The following CD8B variants were observed in gnomAD, a reference collection of about 807,000 sequenced individuals.
The protein encoded by CD8B is T-cell surface glycoprotein CD8 beta chain.
A neutral mutation model predicts 24.2 loss-of-function variants in CD8B; 6 were observed. The observed-to-expected ratio is 0.25, with a 90% CI of 0.14 to 0.49. The LOEUF is 0.49. CD8B is among the 20% of genes least tolerant of loss of function. The pLI is 0.98. For missense variants in CD8B, 196 were observed against 271.3 expected (o/e 0.72, Z 1.95); for synonymous variants, 84 against 108.3 (o/e 0.78, Z 1.39).
intron 5 of CD8B, among the ~76,000 whole-genome samples, chr2:86,824,032 T>C (rs1404469072): frequency 6.6e-6 from 1 of 150,916 alleles, no homozygotes; most frequent in African/African-American, 2.4e-5. Context: ...CGCAGGGAGA[T>C]GGCAGGCCTC....
At chr2:86,850,843 C>A (rs1675938925) in intron 3 of CD8B, among the ~76,000 whole-genome samples, 1 of 152,132 alleles carries the variant, frequency 6.6e-6, no homozygotes, top group African/African-American at 2.4e-5. Context: ...GTAATCCCAG[C>A]ACTTTGGGAG....
At chr2:86,833,967 C>A (rs1219555977), downstream of CD8B, among the ~76,000 whole-genome samples, 1 of 152,100 alleles carries the variant, frequency 6.6e-6, no homozygotes, top group Non-Finnish European at 1.5e-5. Flanking sequence ...CTTTTTAAGT[C>A]ATTCTTTTGA....
intron 4 of CD8B, among the ~76,000 whole-genome samples, chr2:86,845,846 G>T (rs1675647155): frequency 6.6e-6 from 1 of 152,190 alleles, no homozygotes; most frequent in South Asian, 2.1e-4. Flanking sequence ...GTAGGCAAAA[G>T]TATGCTCCTG....
At chr2:86,817,958 C>G (rs575141829) in intron 5 of CD8B, among the ~76,000 whole-genome samples, 5 of 152,000 alleles carry the variant, frequency 3.3e-5, no homozygotes, top group African/African-American at 4.8e-5. Context: ...GCCTGTAATC[C>G]CAGCACTTTG....
chr2:86,856,976 A>G (rs1178729834), intron 2 of CD8B, among the ~76,000 whole-genome samples: 1 of 152,214 alleles, frequency 6.6e-6, no homozygotes, highest in Non-Finnish European at 1.5e-5. Context: ...GCTTTTTTAA[A>G]CAAGACTTTA....
downstream of CD8B, among the ~76,000 whole-genome samples, chr2:86,833,360 A>G (rs1429293131): frequency 6.6e-6 from 1 of 151,562 alleles, no homozygotes; most frequent in African/African-American, 2.4e-5. Flanking sequence ...TTGTATTTTT[A>G]GTAGAGACAG....
intron 4 of CD8B, among the ~76,000 whole-genome samples, chr2:86,845,287 C>T (rs918685006): frequency 6.6e-6 from 1 of 152,178 alleles, no homozygotes; most frequent in African/African-American, 2.4e-5. Context: ...AGTCTGTGTC[C>T]TTAAACACAC....
rs527436855 is a variant in CD8B, at chr2:86,826,653, C to T, written c.621-10935G>A. Among the ~76,000 whole-genome samples, 19 of 152,210 alleles carry T rather than the reference C, an allele frequency of 1.2e-4. No individual in the cohort carries two copies. In the South Asian group the frequency reaches 3.9e-3, roughly 32 times the overall value. On this transcript the variant is annotated intron_variant, in intron 5 of 5. Transcript: ENST00000331469. ...GAAGCGTGGCTACTAAAAATGTTCA[C>T]TTCATTTTTAAGAAGTAGAACAGGT... is the stretch of plus-strand genomic sequence containing the variant.
intron 5 of CD8B, among the ~76,000 whole-genome samples, chr2:86,827,073 G>A (rs934353720): frequency 6.6e-6 from 1 of 151,946 alleles, no homozygotes; most frequent in Admixed American, 6.6e-5. Context: ...CACTCGCCTC[G>A]GCCTCCCAGA....
intron 5 of CD8B, among the ~76,000 whole-genome samples, chr2:86,829,095 C>CTTTTTTTTTTTTTTTTTTT (rs746569858): frequency 1.2e-5 from 1 of 82,992 alleles, no homozygotes; most frequent in Non-Finnish European, 2.2e-5. Flanking sequence ...ATGCTCTTTA[C>CTTTTTTTTTTTTTTTTTTT]TTTTTTTTTT....
At chr2:86,843,558 A>C in intron 5 of CD8B, 1 of 982,938 alleles carries the variant, frequency 1.0e-6, no homozygotes, top group Non-Finnish European at 1.2e-6. Flanking sequence ...TGTTTAAGCC[A>C]CTCTCGATAT....
Position 86,841,556 on chromosome 2 carries a change from T to C in CD8B, c.*751A>G. On this transcript the variant is annotated 3_prime_UTR_variant, in exon 6 of 6. Transcript: ENST00000390655. ...CTGATGTCTTTGCTGTAGATGGGCT[T>C]TCGCACGTTTATGTCACAGGAGCCG... 1.0e-6 allele frequency: 1 copy of C among 984,852 alleles called. No individual in the cohort carries two copies. The highest frequency in any genetic ancestry group is 1.2e-6 in the Non-Finnish European group (1 of 829,416). 61.0% of individuals were successfully genotyped at this position (984,852 alleles called of 1,614,324 possible).
At chr2:86,829,409 T>G (rs991281890) in intron 5 of CD8B, among the ~76,000 whole-genome samples, 1 of 152,138 alleles carries the variant, frequency 6.6e-6, no homozygotes, top group African/African-American at 2.4e-5. Context: ...CTGGCTGGCA[T>G]ATGATCTTTC....
At chr2:86,815,878 A>G (rs1674223614) in intron 5 of CD8B, among the ~76,000 whole-genome samples, 1 of 152,186 alleles carries the variant, frequency 6.6e-6, no homozygotes, top group African/African-American at 2.4e-5. Context: ...TGATAGGCCT[A>G]GGGTTACCAC....
At chr2:86,860,969 A>G (rs1475834269) in intron 1 of CD8B, among the ~76,000 whole-genome samples, 7 of 152,254 alleles carry the variant, frequency 4.6e-5, no homozygotes, top group African/African-American at 1.7e-4. Context: ...CAGGAATTCC[A>G]TTCTCAGAGG....
intron 5 of CD8B, among the ~76,000 whole-genome samples, chr2:86,825,372 C>G (rs983140910): frequency 3.9e-5 from 6 of 152,190 alleles, no homozygotes; most frequent in African/African-American, 1.4e-4. Flanking sequence ...GATCCCCCAA[C>G]CCCTCCTTGG....
intron 5 of CD8B, among the ~76,000 whole-genome samples, chr2:86,831,387 C>A (rs1167049038): frequency 6.6e-6 from 1 of 152,100 alleles, no homozygotes; most frequent in Admixed American, 6.6e-5. Context: ...ATTCTTTCCC[C>A]ATGTATGTGA....
At chr2:86,861,712 G>A in intron 1 of CD8B, 111 bp downstream of exon 1, 1 of 849,436 alleles carries the variant, frequency 1.2e-6, no homozygotes, top group Non-Finnish European at 1.6e-6. Context: ...CCGCCACCGC[G>A]GGCTCGACGC....
intron 5 of CD8B, chr2:86,822,317 A>T (rs368173321): frequency 1.3e-6 from 2 of 1,542,210 alleles, no homozygotes; most frequent in South Asian, 2.3e-5. Flanking sequence ...CAAAATGTTT[A>T]TACCTGTATA....
Sources: allele counts gnomAD v4.1 joint callset (sites outside exome capture counted in the v4.1 genomes callset), GRCh38; gene constraint gnomAD v4.1.1; transcripts MANE v1.5; gene names NCBI Gene and HGNC (gene_info 2026-07-23, HGNC 2026-07-21).